The following GATAD2A variants were observed in gnomAD, a reference collection of about 807,000 sequenced individuals.
The protein encoded by GATAD2A is GATA zinc finger domain containing 2A.
Under a neutral mutation model 68.5 loss-of-function variants are expected in GATAD2A, and 12 were observed. That is an observed-to-expected ratio of 0.18 (90% CI 0.11 to 0.28). The LOEUF (loss-of-function observed/expected upper bound fraction) is 0.28. Ranked by LOEUF, GATAD2A falls within the 10% of genes least tolerant of loss-of-function variation. GATAD2A has a pLI of 1.00. For synonymous variants in GATAD2A, 410 were observed against 375.3 expected (o/e 1.09, Z -1.07); for missense variants, 755 against 868.5 (o/e 0.87, Z 1.64).
At chr19:19,460,701 A>G (rs946240447) in intron 1 of GATAD2A, among the ~76,000 whole-genome samples, 9 of 152,188 alleles carry the variant, frequency 5.9e-5, no homozygotes, top group Admixed American at 5.9e-4. Context: ...GGCAAAAACA[A>G]GTGAAAGAAA....
chr19:19,433,036 A>G (rs1296090003), intron 1 of GATAD2A, among the ~76,000 whole-genome samples: 1 of 152,226 alleles, frequency 6.6e-6, no homozygotes, highest in Non-Finnish European at 1.5e-5. Flanking sequence ...CCAAGGGGAC[A>G]ACTCCAAATT....
intron 1 of GATAD2A, among the ~76,000 whole-genome samples, chr19:19,421,274 G>A (rs1185386651): frequency 6.6e-6 from 1 of 152,170 alleles, no homozygotes; most frequent in Non-Finnish European, 1.5e-5. Context: ...AGGGCAGTAG[G>A]CCTCCTTGGA....
chr19:19,479,262 CTT>C (rs2058888260), intron 2 of GATAD2A, among the ~76,000 whole-genome samples: 1 of 152,202 alleles, frequency 6.6e-6, no homozygotes, highest in Non-Finnish European at 1.5e-5. Flanking sequence ...TTAAAACTAA[CTT>C]TTAATTTTAG....
chr19:19,463,860 C>G (rs1055735315), intron 1 of GATAD2A, among the ~76,000 whole-genome samples: 1 of 152,240 alleles, frequency 6.6e-6, no homozygotes, highest in African/African-American at 2.4e-5. Flanking sequence ...CCTGCTTTCC[C>G]TCTGGCTCCA....
intron 1 of GATAD2A, among the ~76,000 whole-genome samples, chr19:19,431,643 G>A (rs11669204): frequency 0.028 from 4,121 of 148,206 alleles, 86 homozygotes; most frequent in South Asian, 0.058. Flanking sequence ...GCAGTGAGCC[G>A]AGATCGCACC....
intron 1 of GATAD2A, chr19:19,441,706 A>G: frequency 5.8e-6 from 1 of 173,228 alleles, no homozygotes. Context: ...CTGGGACTAC[A>G]GGCGCCTGCC....
At chr19:19,408,209 A>G (rs1253918918) in intron 1 of GATAD2A, among the ~76,000 whole-genome samples, 2 of 151,898 alleles carry the variant, frequency 1.3e-5, no homozygotes, top group Admixed American at 6.6e-5. Context: ...CTGGTCTCGA[A>G]CTCCTGACCT....
chr19:19,386,144 T>G (rs1256912696), intron 1 of GATAD2A: 1 of 152,316 alleles, frequency 6.6e-6, no homozygotes, highest in Non-Finnish European at 1.5e-5. Flanking sequence ...CTTCGGTGAG[T>G]AAGGGGCAGG....
chr19:19,503,017 C>G (rs962435129), intron 11 of GATAD2A, among the ~76,000 whole-genome samples: 1 of 152,132 alleles, frequency 6.6e-6, no homozygotes, highest in Non-Finnish European at 1.5e-5. Flanking sequence ...GTAGTGGAGG[C>G]CTTGCCGGAG....
At position 19,502,466 on chromosome 19, in the gene GATAD2A, A is replaced by G; in HGVS notation, c.1714A>G (p.Thr572Ala). ...VSRTGRHSER[T>A]VSAGKGSATS... is the part of the protein sequence containing the mutation. Reference sequence around the variant, plus strand: ...CAGGACCGGCAGACATTCTGAGAGAACCGTGAGCGCCGGCAAGGGCAGCGC... The same window carrying G: ...CAGGACCGGCAGACATTCTGAGAGAGCCGTGAGCGCCGGCAAGGGCAGCGC... Residue 572 changes from threonine to alanine, a missense_variant, in exon 11 of 12, where the codon ACC (threonine) becomes GCC (alanine). By Grantham distance (58) the Thr-to-Ala change is moderately conservative. Coordinates refer to ENST00000683918, the MANE Select transcript of GATAD2A (RefSeq NM_001384528.1). The G allele has an allele frequency of 6.2e-7, 1 of 1,613,606 alleles. No individual in the cohort carries two copies. The highest frequency in any genetic ancestry group is 1.1e-5 in the South Asian group (1 of 91,080).
Position 19,465,261 on chromosome 19 carries a change from G to A in GATAD2A, c.-6-79G>A. On this transcript the variant is annotated intron_variant, in intron 1 of 11. Transcript: ENST00000683918. ...TCCCATAGGGAGGAAAACACTGAAA[G>A]CAACACTGAAAAGTCTCCAAGAAGG... The A allele has an allele frequency of 4.6e-6, 5 of 1,078,368 alleles. No homozygotes were observed. In the South Asian group the frequency reaches 6.6e-5, roughly 14 times the overall value. The allele number at this position is 1,078,368 out of a possible 1,614,324, so 66.8% of individuals were successfully genotyped here.
chr19:19,419,900 A>G (rs1190683602), intron 1 of GATAD2A, among the ~76,000 whole-genome samples: 1 of 151,794 alleles, frequency 6.6e-6, no homozygotes, highest in Non-Finnish European at 1.5e-5. Context: ...GATTGTTCTC[A>G]ATGGTACAGC....
chr19:19,473,740 A>G (rs572975020), intron 2 of GATAD2A, among the ~76,000 whole-genome samples: 1 of 150,666 alleles, frequency 6.6e-6, no homozygotes, highest in African/African-American at 2.4e-5. Context: ...GATCGAGACC[A>G]TCCTGGCTAA....
intron 1 of GATAD2A, among the ~76,000 whole-genome samples, chr19:19,419,882 CTCAA>C (rs1217624551): frequency 1.3e-5 from 2 of 151,974 alleles, no homozygotes; most frequent in African/African-American, 4.8e-5. Context: ...CTAGGACCGT[CTCAA>C]TCAGATTGTT....
At chr19:19,389,979 G>A (rs2048728171) in intron 1 of GATAD2A, among the ~76,000 whole-genome samples, 2 of 152,132 alleles carry the variant, frequency 1.3e-5, no homozygotes, top group African/African-American at 4.8e-5. Flanking sequence ...GCCCAGGCTA[G>A]TCTCAAACTC....
Position 19,492,328 on chromosome 19 carries a change from C to A in GATAD2A, c.292C>A (p.Pro98Thr). ...CAGTGACATGAAGTCCGAGAGGAGA[C>A]CCCCCTCACCTGACGTGATTGTGCT... is the stretch of plus-strand genomic sequence containing the variant. ...SHSDMKSERR[P>T]PSPDVIVLSD... Residue 98 changes from proline (P) to threonine (T), a missense_variant, in exon 3 of 12, where the codon CCC becomes ACC. By Grantham distance (38) the Pro-to-Thr change is conservative (BLOSUM62 -1). Transcript: ENST00000683918. The A allele has an allele frequency of 6.2e-7, 1 of 1,606,476 alleles. No individual in the cohort carries two copies. Among genetic ancestry groups the A allele is most frequent in the Non-Finnish European group, 8.5e-7 (1 of 1,176,306 alleles).
intron 1 of GATAD2A, among the ~76,000 whole-genome samples, chr19:19,447,314 T>A (rs757139924): frequency 6.6e-5 from 10 of 152,080 alleles, no homozygotes; most frequent in Non-Finnish European, 1.3e-4. Context: ...TTGGTTGGAC[T>A]TGGGGGACGG....
chr19:19,404,009 A>C (rs973421940), upstream of GATAD2A, among the ~76,000 whole-genome samples: 1 of 152,166 alleles, frequency 6.6e-6, no homozygotes, highest in African/African-American at 2.4e-5. Flanking sequence ...GGTCAGGGAA[A>C]GTGATTGGGA....
chr19:19,491,556 C>T (rs1343244271), intron 2 of GATAD2A, among the ~76,000 whole-genome samples: 1 of 152,330 alleles, frequency 6.6e-6, no homozygotes, highest in East Asian at 1.9e-4. Flanking sequence ...CTGGAGGCAG[C>T]CAGCCAGAAA....
Sources: gnomAD v4.1 joint callset for allele counts (sites outside exome capture counted in the v4.1 genomes callset) on GRCh38, gnomAD v4.1.1 for gene constraint, MANE v1.5 for transcripts, NCBI Gene and HGNC (gene_info 2026-07-23, HGNC 2026-07-21) for gene names.